The following GPHN variants were observed in gnomAD, a reference collection of about 807,000 sequenced individuals.
GPHN encodes the protein gephyrin.
In GPHN, 17 loss-of-function variants were observed where a neutral mutation model predicts 95.5. The ratio of observed to expected loss-of-function variants is 0.18; its 90% CI spans 0.12 to 0.27. The LOEUF (loss-of-function observed/expected upper bound fraction) is 0.27. Ranked by LOEUF, GPHN falls within the 10% of genes least tolerant of loss-of-function variation. GPHN has a pLI of 1.00. For synonymous variants in GPHN, 320 were observed against 322.5 expected (o/e 0.99, Z 0.08); for missense variants, 660 against 978.1 (o/e 0.67, Z 4.34).
At chr14:67,364,051 A>G in the GPHN span, 1 of 152,200 alleles carries the variant, frequency 6.6e-6, no homozygotes, top group Non-Finnish European at 1.5e-5. Context: ...AGAAACTTGA[A>G]CTTTGTAGTA....
the GPHN span, chr14:67,578,064 G>A: frequency 1.5e-5 from 25 of 1,613,646 alleles, no homozygotes; most frequent in African/African-American, 5.3e-5. This position sits in a 1 kb window ranked among gnomAD's most constrained non-coding sequence, Gnocchi z 5.0. Context: ...AAGCTGCCTC[G>A]GTGGACTACC....
chr14:67,508,012 C>T, the GPHN span, among the ~76,000 whole-genome samples: 1 of 152,038 alleles, frequency 6.6e-6, no homozygotes. Flanking sequence ...GGGGCGCATG[C>T]CTCTAATCCC....
At chr14:67,152,312 C>A (rs1283357899) in intron 18 of GPHN, among the ~76,000 whole-genome samples, 1 of 152,064 alleles carries the variant, frequency 6.6e-6, no homozygotes, top group Non-Finnish European at 1.5e-5. Flanking sequence ...TATTATTGAA[C>A]CTTCACTATA....
the GPHN span, among the ~76,000 whole-genome samples, chr14:67,379,654 CTTTTTT>C: frequency 2.5e-5 from 3 of 119,954 alleles, no homozygotes; most frequent in Admixed American, 9.2e-5. Context: ...TTTTCTTTTT[CTTTTTT>C]TTTTTTTTTT....
rs536164249 is a variant in GPHN, at chr14:66,717,222, T to C, written c.143+36037T>C. ...TTATTTTTTCTTTGTCTTTGTAGGA[T>C]TGAGTTCATTTGAAGACCTTGTCTT... On this transcript the variant is annotated intron_variant, in intron 2 of 22. Coordinates refer to ENST00000478722, the MANE Select transcript of GPHN (RefSeq NM_020806.5). Among the ~76,000 whole-genome samples the C allele has an allele frequency of 4.6e-5, 7 of 152,320 alleles. No homozygotes were observed. In the South Asian group the frequency reaches 1.2e-3, roughly 27 times the overall value.
chr14:67,464,308 T>A, the GPHN span, among the ~76,000 whole-genome samples: 1 of 152,180 alleles, frequency 6.6e-6, no homozygotes, highest in African/African-American at 2.4e-5. Context: ...CCCTGCAGCC[T>A]CCCCTGGCCT....
At chr14:67,007,102 T>C (rs544150539) in intron 9 of GPHN, among the ~76,000 whole-genome samples, 213 of 152,340 alleles carry the variant, frequency 1.4e-3, no homozygotes, top group Non-Finnish European at 2.1e-3. Flanking sequence ...TTAGTTCCCT[T>C]AAGCATTCAT....
At chr14:67,658,945 TG>T in the GPHN span, among the ~76,000 whole-genome samples, 1 of 152,248 alleles carries the variant, frequency 6.6e-6, no homozygotes, top group Admixed American at 6.5e-5. Context: ...CCTTTCAGTC[TG>T]CACTGGTGGG....
the GPHN span, among the ~76,000 whole-genome samples, chr14:67,257,308 GTCCTTTATCCACAAGGAATT>G: frequency 6.9e-4 from 105 of 152,268 alleles, no homozygotes; most frequent in African/African-American, 2.5e-3. Flanking sequence ...AGTTCTGTCT[GTCCTTTATCCACAAGGAATT>G]TCCTTGTGGG....
At chr14:67,562,906 C>A in the GPHN span, 2 of 1,608,544 alleles carry the variant, frequency 1.2e-6, no homozygotes, top group South Asian at 2.2e-5. Flanking sequence ...TAAGAGGCAA[C>A]CTCCGGGCTG....
chr14:66,743,149 T>TA (rs988622721), intron 2 of GPHN, among the ~76,000 whole-genome samples: 2 of 151,988 alleles, frequency 1.3e-5, no homozygotes, highest in South Asian at 2.1e-4. Context: ...AGGCCTCCCT[T>TA]ACATCTGAGG....
intron 4 of GPHN, among the ~76,000 whole-genome samples, chr14:66,835,844 T>G (rs2061780868): frequency 6.6e-6 from 1 of 151,960 alleles, no homozygotes; most frequent in South Asian, 2.1e-4. Flanking sequence ...CATTCACAAT[T>G]GCTTCAAACA....
rs534457978 is a variant in GPHN at position 67,026,939 on chromosome 14, G to T, written c.1006+3264G>T. 2.6e-5 allele frequency among the ~76,000 whole-genome samples: 4 copies of T among 152,204 alleles called. No homozygotes were observed. In the South Asian group the frequency reaches 8.3e-4, roughly 32 times the overall value. ...TTACAGGCGTGAGCCACCGCGCCCAGCCTTATAGCCCACATTTTTAACCAA... is the reference window on the plus strand; with the variant it reads ...TTACAGGCGTGAGCCACCGCGCCCATCCTTATAGCCCACATTTTTAACCAA... On this transcript the variant is annotated intron_variant, in intron 10 of 22. Transcript: ENST00000478722.
intron 5 of GPHN, among the ~76,000 whole-genome samples, chr14:66,915,101 G>A (rs1212522517): frequency 1.3e-5 from 2 of 152,114 alleles, no homozygotes; most frequent in Non-Finnish European, 2.9e-5. Flanking sequence ...CTTTCAGATT[G>A]TAAGTAGGAC....
the GPHN span, among the ~76,000 whole-genome samples, chr14:67,504,610 T>C: frequency 6.6e-5 from 10 of 152,248 alleles, no homozygotes; most frequent in South Asian, 1.2e-3. Context: ...CAATAGGCCA[T>C]GTGCGGTGGC....
chr14:67,387,361 C>A, the GPHN span: 3 of 1,611,234 alleles, frequency 1.9e-6, no homozygotes, highest in Non-Finnish European at 2.5e-6. Flanking sequence ...TCAATCCACT[C>A]GGCTCGCTCA....
At chr14:66,878,013 G>C (rs199613619) in intron 4 of GPHN, among the ~76,000 whole-genome samples, 6 of 152,128 alleles carry the variant, frequency 3.9e-5, no homozygotes, top group Non-Finnish European at 8.8e-5. Flanking sequence ...CATGGTACTA[G>C]TACCAAAACA....
the GPHN span, chr14:67,279,674 C>T: frequency 5.5e-5 from 44 of 800,442 alleles, no homozygotes; most frequent in Middle Eastern, 1.2e-3. Context: ...CCTTTGTTTT[C>T]GTGGAAACGC....
intron 2 of GPHN, among the ~76,000 whole-genome samples, chr14:66,743,853 A>G (rs2073020417): frequency 6.6e-6 from 1 of 152,188 alleles, no homozygotes; most frequent in South Asian, 2.1e-4. Flanking sequence ...CAAAATGAAA[A>G]ATTTGGGGAT....
Sources: allele counts gnomAD v4.1 joint callset (sites outside exome capture counted in the v4.1 genomes callset), GRCh38; gene constraint gnomAD v4.1.1; non-coding constraint Gnocchi (gnomAD v3.1); transcripts MANE v1.5; gene names NCBI Gene and HGNC (gene_info 2026-07-23, HGNC 2026-07-21).